Variants in PAPPA2 observed in about 807,000 individuals in gnomAD.
The protein encoded by PAPPA2 is pappalysin 2.
PAPPA2 carries 86 observed loss-of-function variants against 176.4 expected under a neutral mutation model. That is an observed-to-expected ratio of 0.49 (90% CI 0.41 to 0.58). PAPPA2 has a LOEUF of 0.58. PAPPA2 is among the 20% of genes least tolerant of loss of function. PAPPA2 has a pLI of 0.00. For synonymous variants in PAPPA2, 809 were observed against 852.2 expected (o/e 0.95, Z 0.88); for missense variants, 2,073 against 2,256.9 (o/e 0.92, Z 1.65).
At chr1:176,790,557 G>A (rs1306209612) in intron 18 of PAPPA2, among the ~76,000 whole-genome samples, 5 of 152,218 alleles carry the variant, frequency 3.3e-5, no homozygotes, top group African/African-American at 1.2e-4. Flanking sequence ...CTGCTCCCTT[G>A]GCACCTGTTA....
intron 1 of PAPPA2, among the ~76,000 whole-genome samples, chr1:176,536,368 T>G (rs1181560225): frequency 6.6e-6 from 1 of 152,230 alleles, no homozygotes; most frequent in Non-Finnish European, 1.5e-5. Flanking sequence ...TTCAGTTATC[T>G]GTTGCCACAA....
At chr1:176,732,026 A>G (rs1506783) in intron 12 of PAPPA2, among the ~76,000 whole-genome samples, 28,081 of 152,114 alleles carry the variant, frequency 0.18, 2,651 homozygotes, top group Middle Eastern at 0.24. Flanking sequence ...TTTAAAAAAT[A>G]TAATTAGTCA....
intron 1 of PAPPA2, among the ~76,000 whole-genome samples, chr1:176,504,128 A>T (rs1399573534): frequency 6.6e-6 from 1 of 152,090 alleles, no homozygotes; most frequent in African/African-American, 2.4e-5. Flanking sequence ...ATACTGTGAC[A>T]CTGCTGGGGG....
intron 1 of PAPPA2, among the ~76,000 whole-genome samples, chr1:176,546,001 G>T (rs1650614168): frequency 6.6e-6 from 1 of 152,170 alleles, no homozygotes; most frequent in Non-Finnish European, 1.5e-5. Flanking sequence ...GAGGAAGGCA[G>T]AAACAGAGCA....
At chr1:176,716,558 C>T (rs1292988851) in intron 12 of PAPPA2, among the ~76,000 whole-genome samples, 1 of 145,312 alleles carries the variant, frequency 6.9e-6, no homozygotes, top group Admixed American at 6.9e-5. Flanking sequence ...AATCGAACCT[C>T]TTAAGAAAGT....
chr1:176,696,149 G>T (rs965709675), intron 7 of PAPPA2, among the ~76,000 whole-genome samples: 2 of 152,046 alleles, frequency 1.3e-5, no homozygotes, highest in African/African-American at 4.8e-5. Context: ...TGAACTCAGG[G>T]TGTGACTTCA....
chr1:176,605,284 C>T (rs1178130366), intron 3 of PAPPA2, among the ~76,000 whole-genome samples: 1 of 152,156 alleles, frequency 6.6e-6, no homozygotes, highest in Non-Finnish European at 1.5e-5. Context: ...TAGGCAAGAT[C>T]CTTATCAGGC....
intron 4 of PAPPA2, among the ~76,000 whole-genome samples, chr1:176,683,365 C>T (rs1573246744): frequency 6.6e-6 from 1 of 152,124 alleles, no homozygotes; most frequent in South Asian, 2.1e-4. Flanking sequence ...CCACACATGG[C>T]CCCCAGTTGC....
intron 1 of PAPPA2, among the ~76,000 whole-genome samples, chr1:176,520,182 G>A (rs549830792): frequency 6.6e-6 from 1 of 152,252 alleles, no homozygotes; most frequent in East Asian, 1.9e-4. Flanking sequence ...CTTCCTCCTT[G>A]TCCAACTCTG....
intron 2 of PAPPA2, among the ~76,000 whole-genome samples, chr1:176,568,107 G>A (rs1455525173): frequency 6.6e-6 from 1 of 152,190 alleles, no homozygotes; most frequent in African/African-American, 2.4e-5. Flanking sequence ...CAGAGGAGAT[G>A]TCAGAAGTAG....
chr1:176,639,415 G>T (rs773053849), intron 3 of PAPPA2, among the ~76,000 whole-genome samples: 1 of 152,062 alleles, frequency 6.6e-6, no homozygotes, highest in African/African-American at 2.4e-5. Flanking sequence ...AGATTGCCTG[G>T]TATAGGAAGA....
chr1:176,799,529 T>C (rs1665584013), intron 20 of PAPPA2, among the ~76,000 whole-genome samples: 1 of 152,138 alleles, frequency 6.6e-6, no homozygotes, highest in Non-Finnish European at 1.5e-5. Flanking sequence ...TACCAAGAAT[T>C]ACAGAGTGCA....
chr1:176,588,005 A>G (rs1472768233), intron 2 of PAPPA2, among the ~76,000 whole-genome samples: 1 of 152,240 alleles, frequency 6.6e-6, no homozygotes, highest in African/African-American at 2.4e-5. Flanking sequence ...TTTGGGCCGT[A>G]TGGCCATTTT....
At chr1:176,679,932 G>A (rs902865137) in intron 4 of PAPPA2, among the ~76,000 whole-genome samples, 1 of 152,154 alleles carries the variant, frequency 6.6e-6, no homozygotes, top group African/African-American at 2.4e-5. Flanking sequence ...AATGCCTGAT[G>A]TTCAATAGGG....
At chr1:176,804,258 C>T (rs565687011) in intron 21 of PAPPA2, among the ~76,000 whole-genome samples, 11 of 152,200 alleles carry the variant, frequency 7.2e-5, no homozygotes, top group African/African-American at 2.6e-4. Flanking sequence ...AACCCATTCC[C>T]GGGACTCATC....
At chr1:176,684,114 C>T (rs1025813565) in intron 4 of PAPPA2, among the ~76,000 whole-genome samples, 2 of 152,058 alleles carry the variant, frequency 1.3e-5, no homozygotes, top group Admixed American at 1.3e-4. Flanking sequence ...TAGAAAACCC[C>T]ACAGCCAAAA....
chr1:176,781,780 A>G (rs1441410788), intron 17 of PAPPA2, among the ~76,000 whole-genome samples: 1 of 152,070 alleles, frequency 6.6e-6, no homozygotes, highest in Non-Finnish European at 1.5e-5. Context: ...TCTGAAGTGG[A>G]TCCTGAGATT....
intron 3 of PAPPA2, among the ~76,000 whole-genome samples, chr1:176,660,336 T>TTGTGTG (rs34294866): frequency 3.7e-3 from 455 of 122,024 alleles, no homozygotes; most frequent in African/African-American, 0.012. Flanking sequence ...AATTGTTTGT[T>TTGTGTG]TGTGTGTGTG....
At chr1:176,536,174 G>A (rs960514451) in intron 1 of PAPPA2, among the ~76,000 whole-genome samples, 2 of 152,186 alleles carry the variant, frequency 1.3e-5, no homozygotes, top group African/African-American at 4.8e-5. Context: ...AAGTTCTGAG[G>A]AAGCAGTCAC....
Sources: gnomAD v4.1 joint callset for allele counts (sites outside exome capture counted in the v4.1 genomes callset) on GRCh38, gnomAD v4.1.1 for gene constraint, MANE v1.5 for transcripts, NCBI Gene and HGNC (gene_info 2026-07-23, HGNC 2026-07-21) for gene names.